SHLD1: variants seen among roughly 807,000 people sequenced by gnomAD.
The protein encoded by SHLD1 is RINN1-REV7-interacting novel NHEJ regulator 3.
In SHLD1, 3 loss-of-function variants were observed where a neutral mutation model predicts 5.5. The ratio of observed to expected loss-of-function variants is 0.54; its 90% confidence interval spans 0.25 to 1.40. The LOEUF (loss-of-function observed/expected upper bound fraction) is 1.40, where lower values mean the gene tolerates loss of function less well. SHLD1 is among the 40% of genes most tolerant of loss of function. The probability of loss-of-function intolerance (pLI) is 0.15; values close to 1 mark genes in which losing one functional copy is unlikely to be tolerated. For missense variants in SHLD1, 210 were observed against 244.4 expected (o/e 0.86, Z 0.94); for synonymous variants, 92 against 94.3 (o/e 0.98, Z 0.14).
At chr20:5,761,186 C>T (rs1299017459) in intron 1 of SHLD1, among the ~76,000 whole-genome samples, 1 of 151,938 alleles carries the variant, frequency 6.6e-6, no homozygotes, top group African/African-American at 2.4e-5. Context: ...TGTTCTCACT[C>T]ATAAGTGGGA....
Position 5,823,744 on chromosome 20 carries a change from A to G in SHLD1, c.179-39280A>G, listed in dbSNP as rs113939844. Among the ~76,000 whole-genome samples the G allele has an allele frequency of 6.7e-3, 1,017 of 152,156 alleles. 6 individuals are homozygous for G. Among genetic ancestry groups the G allele is most frequent in the African/African-American group, 0.024 (985 of 41,520 alleles). On this transcript the variant is annotated intron_variant, in intron 2 of 2. Coordinates refer to ENST00000303142, the MANE Select transcript of SHLD1 (RefSeq NM_152504.4). ...ATTACAGGCATGAGTCACCGCGCCCAGCCAAAAATCTCATAATGTTCTAAG... is the reference window on the plus strand; with the variant it reads ...ATTACAGGCATGAGTCACCGCGCCCGGCCAAAAATCTCATAATGTTCTAAG...
At chr20:5,849,441 G>C (rs978375058) in intron 2 of SHLD1, among the ~76,000 whole-genome samples, 1 of 152,208 alleles carries the variant, frequency 6.6e-6, no homozygotes, top group Admixed American at 6.5e-5. Context: ...AAAAACAAAA[G>C]TCTGTAGACA....
intron 2 of SHLD1, among the ~76,000 whole-genome samples, chr20:5,802,297 C>T (rs1336934644): frequency 6.6e-6 from 1 of 152,178 alleles, no homozygotes; most frequent in Non-Finnish European, 1.5e-5. Flanking sequence ...CCAGGCCCTG[C>T]TTTCCTGTTG....
intron 1 of SHLD1, among the ~76,000 whole-genome samples, chr20:5,768,220 C>T (rs1057485421): frequency 1.3e-5 from 2 of 152,136 alleles, no homozygotes; most frequent in South Asian, 2.1e-4. Context: ...GTGATCCACC[C>T]GCCTTGGCCT....
At chr20:5,841,020 T>C (rs147875692) in intron 2 of SHLD1, among the ~76,000 whole-genome samples, 204 of 152,346 alleles carry the variant, frequency 1.3e-3, no homozygotes, top group Non-Finnish European at 2.4e-3. Flanking sequence ...TTCATTCATT[T>C]ATTCATTCAC....
chr20:5,804,424 C>CCAAA (rs2087345794), intron 2 of SHLD1, among the ~76,000 whole-genome samples: 1 of 148,814 alleles, frequency 6.7e-6, no homozygotes, highest in Admixed American at 6.7e-5. Context: ...AACCAAAAAA[C>CCAAA]AAACAAGAAA....
intron 2 of SHLD1, among the ~76,000 whole-genome samples, chr20:5,858,568 T>G (rs2088119839): frequency 6.6e-6 from 1 of 152,238 alleles, no homozygotes; most frequent in African/African-American, 2.4e-5. Context: ...GCGTGGTGGC[T>G]CATGCCTATA....
intron 2 of SHLD1, among the ~76,000 whole-genome samples, chr20:5,827,924 T>A (rs1280698946): frequency 6.6e-6 from 1 of 152,228 alleles, no homozygotes; most frequent in African/African-American, 2.4e-5. Flanking sequence ...ACCATGGTCA[T>A]CTCTGCATTC....
chr20:5,819,331 A>G (rs2087578400), intron 2 of SHLD1, among the ~76,000 whole-genome samples: 1 of 152,230 alleles, frequency 6.6e-6, no homozygotes, highest in African/African-American at 2.4e-5. Flanking sequence ...TAAAAGTTGA[A>G]CCAGATTGAT....
At chr20:5,800,858 C>T (rs77235087) in intron 2 of SHLD1, among the ~76,000 whole-genome samples, 5 of 4,788 alleles carry the variant, frequency 1.0e-3, no homozygotes, top group East Asian at 0.036. Flanking sequence ...TGTGTGTGTG[C>T]GTATGTCTAT....
At chr20:5,792,927 G>A (rs1417359769) in intron 2 of SHLD1, among the ~76,000 whole-genome samples, 1 of 151,276 alleles carries the variant, frequency 6.6e-6, no homozygotes, top group East Asian at 2.0e-4. Context: ...TGCCCACCTC[G>A]GCCTCCCAAA....
chr20:5,850,512 T>A (rs963264498), intron 2 of SHLD1, among the ~76,000 whole-genome samples: 2 of 103,776 alleles, frequency 1.9e-5, no homozygotes, highest in African/African-American at 6.3e-5. Context: ...TTAGTTTTAA[T>A]TTTTTTTTTT....
chr20:5,852,762 CATT>C (rs1236804214), intron 2 of SHLD1, among the ~76,000 whole-genome samples: 2 of 152,210 alleles, frequency 1.3e-5, no homozygotes, highest in Admixed American at 1.3e-4. Context: ...AAATCACTTT[CATT>C]AGAGTGTGTA....
intron 2 of SHLD1, among the ~76,000 whole-genome samples, chr20:5,810,988 G>C (rs1389953742): frequency 6.6e-6 from 1 of 152,014 alleles, no homozygotes; most frequent in South Asian, 2.1e-4. Context: ...ATGCTGAGAA[G>C]TGCTGATGAC....
At chr20:5,846,291 T>A (rs879566590) in intron 2 of SHLD1, among the ~76,000 whole-genome samples, 1 of 152,232 alleles carries the variant, frequency 6.6e-6, no homozygotes, top group Non-Finnish European at 1.5e-5. Context: ...CGGGGAATTA[T>A]CTCTCTGCTG....
intron 2 of SHLD1, among the ~76,000 whole-genome samples, chr20:5,837,058 T>C (rs767582767): frequency 6.6e-5 from 10 of 152,070 alleles, no homozygotes; most frequent in Non-Finnish European, 1.5e-4. Flanking sequence ...TCAGCAGCTA[T>C]GGAGCAAGCC....
chr20:5,797,362 A>G (rs895195547), intron 2 of SHLD1, among the ~76,000 whole-genome samples: 1 of 152,116 alleles, frequency 6.6e-6, no homozygotes, highest in African/African-American at 2.4e-5. Context: ...GGAGTTCAAG[A>G]TCAGCCTGGG....
At chr20:5,787,894 T>A (rs1411709796) in intron 2 of SHLD1, among the ~76,000 whole-genome samples, 1 of 152,222 alleles carries the variant, frequency 6.6e-6, no homozygotes, top group African/African-American at 2.4e-5. Flanking sequence ...GCAGATTTGT[T>A]TAACTCTTGA....
intron 2 of SHLD1, among the ~76,000 whole-genome samples, chr20:5,813,610 G>A (rs1247550327): frequency 6.6e-6 from 1 of 152,222 alleles, no homozygotes; most frequent in African/African-American, 2.4e-5. Context: ...TGTTAGAGAT[G>A]AAGGGTGTGA....
Sources: gnomAD v4.1 joint callset for allele counts (sites outside exome capture counted in the v4.1 genomes callset) on GRCh38, gnomAD v4.1.1 for gene constraint, MANE v1.5 for transcripts, NCBI Gene and HGNC (gene_info 2026-07-23, HGNC 2026-07-21) for gene names.